RNF17: variants seen among roughly 807,000 people sequenced by gnomAD.
RNF17 encodes the protein ring finger protein 17, also known as spermatogenesis associated 23.
Under a neutral mutation model 200.5 loss-of-function variants are expected in RNF17, and 31 were observed. That is an observed-to-expected ratio of 0.15 (90% confidence interval 0.12 to 0.21). The LOEUF is 0.21. RNF17 is among the 10% of genes least tolerant of loss of function. The pLI is 1.00. For synonymous variants in RNF17, 606 were observed against 637.8 expected (o/e 0.95, Z 0.75); for missense variants, 1,628 against 1,905.1 (o/e 0.85, Z 2.71).
In RNF17 at chr13:24,802,501, C is replaced by T. The variant is rs577177646; in HGVS notation, c.1879C>T (p.Pro627Ser). ...GVLIVDLQKP[P>S]PNKISSDMPV... is the part of the protein sequence containing the mutation. ...GCTTATTGTAGATCTGCAAAAACCA[C>T]CACCGAATAAAATAAGCAGTGATAT... The change falls in exon 14 of 36, where the codon CCA becomes TCA. Residue 627 changes from proline to serine, a missense_variant. By Grantham distance (74) the Pro-to-Ser change is moderately conservative. Coordinates refer to ENST00000255324, the MANE Select transcript of RNF17 (RefSeq NM_031277.3). The T allele has an allele frequency of 3.7e-6, 6 of 1,613,852 alleles. No homozygotes were observed. The highest frequency in any genetic ancestry group is 3.3e-5 in the South Asian group (3 of 91,034).
At chr13:24,877,843 A>G (rs1395220966) in intron 34 of RNF17, among the ~76,000 whole-genome samples, 1 of 152,232 alleles carries the variant, frequency 6.6e-6, no homozygotes, top group African/African-American at 2.4e-5. Context: ...CATTTAATGT[A>G]AATGTTTTCT....
intron 9 of RNF17, among the ~76,000 whole-genome samples, chr13:24,790,771 G>C (rs1222572994): frequency 6.6e-6 from 1 of 152,142 alleles, no homozygotes; most frequent in African/African-American, 2.4e-5. Context: ...ATGGCAGAAA[G>C]CATGGAAGAG....
Position 24,804,306 on chromosome 13 carries a change from A to G in RNF17, c.1968A>G (p.Leu656=). 6.2e-7 allele frequency: 1 copy of G among 1,613,130 alleles called. No homozygotes were observed. Among genetic ancestry groups the G allele is most frequent in the Non-Finnish European group, 8.5e-7 (1 of 1,179,354 alleles). ...MELAKFKSQS[L]RSHFEKNTTL... ...TAATTAGGTTTAAGTCACAATCACTAAGAAGTCACTTTGAAAAAAATACTA... is the reference window on the plus strand; with the variant it reads ...TAATTAGGTTTAAGTCACAATCACTGAGAAGTCACTTTGAAAAAAATACTA... The change falls in exon 15 of 36, where the codon CTA becomes CTG. Residue 656 remains leucine (L), a synonymous_variant. Transcript: ENST00000255324.
intron 1 of RNF17, among the ~76,000 whole-genome samples, chr13:24,764,891 GTGTGTGTGTGTGTGTGTGTGT>G (rs1879402308): frequency 1.7e-4 from 11 of 64,744 alleles, no homozygotes; most frequent in Non-Finnish European, 3.6e-4. Context: ...CTTGTGGGGT[GTGTGTGTGTGTGTGTGTGTGT>G]GTGTGTGTGT....
Position 24,800,448 on chromosome 13 carries a change from T to C in RNF17, c.1672T>C (p.Ser558Pro). ...LNDLCLVLRK[S>P]EPYTEGLLKD... ...TGATTTATGTCTGGTTCTAAGGAAA[T>C]CTGAACCATATACTGAAGGGCTGCT... is the stretch of plus-strand genomic sequence containing the variant. The change falls in exon 13 of 36, where the codon TCT becomes CCT. Residue 558 changes from serine (S) to proline (P), a missense_variant. Physicochemically the swap from Ser to Pro is moderately conservative, Grantham distance 74. This residue lies in a region of RNF17 where 289 missense variants were observed against 384.9 expected (regional missense o/e 0.75). Coordinates refer to ENST00000255324, the MANE Select transcript of RNF17 (RefSeq NM_031277.3). 6.2e-7 allele frequency: 1 copy of C among 1,613,506 alleles called. No homozygotes were observed. The highest frequency in any genetic ancestry group is 8.5e-7 in the Non-Finnish European group (1 of 1,179,650).
the RNF17 span, among the ~76,000 whole-genome samples, chr13:24,758,062 T>C: frequency 6.6e-6 from 1 of 152,216 alleles, no homozygotes; most frequent in Non-Finnish European, 1.5e-5. Context: ...CCACCATGAT[T>C]GTAAGTTGCC....
At chr13:24,786,754 T>G (rs1331285298) in intron 6 of RNF17, among the ~76,000 whole-genome samples, 1 of 152,188 alleles carries the variant, frequency 6.6e-6, no homozygotes, top group African/African-American at 2.4e-5. Flanking sequence ...TTATTGAGGA[T>G]CCCTTGTACT....
chr13:24,861,304 C>G lies in RNF17; in HGVS notation c.3811C>G (p.Pro1271Ala). ...AGATCATGGATTCACTGAAAAGATTCCGCAGTGCCATCTTTACCCTATTTT... is the reference window on the plus strand; with the variant it reads ...AGATCATGGATTCACTGAAAAGATTGCGCAGTGCCATCTTTACCCTATTTT... ...YLDHGFTEKI[P>A]QCHLYPILLY... is the part of the protein sequence containing the mutation. The change falls in exon 27 of 36, where the codon CCG (proline) becomes GCG (alanine). Residue 1271 changes from proline (P) to alanine (A), a missense_variant. By Grantham distance (27) the Pro-to-Ala change is conservative (BLOSUM62 -1). Coordinates refer to ENST00000255324, the MANE Select transcript of RNF17 (RefSeq NM_031277.3). 6.3e-7 allele frequency: 1 copy of G among 1,593,880 alleles called. No individual in the cohort carries two copies. Among genetic ancestry groups the G allele is most frequent in the Non-Finnish European group, 8.6e-7 (1 of 1,168,430 alleles).
chr13:24,842,299 C>A, intron 19 of RNF17, 138 bp downstream of exon 19: 1 of 635,092 alleles, frequency 1.6e-6, no homozygotes, highest in Non-Finnish European at 2.4e-6. Flanking sequence ...TGTCCTGGAC[C>A]AGAAAAAATA....
At chr13:24,752,497 G>A in the RNF17 span, among the ~76,000 whole-genome samples, 21 of 152,376 alleles carry the variant, frequency 1.4e-4, no homozygotes, top group South Asian at 2.1e-3. Context: ...CCCACACTGC[G>A]TGACCTCAGG....
the RNF17 span, among the ~76,000 whole-genome samples, chr13:24,752,354 A>T: frequency 6.6e-6 from 1 of 152,240 alleles, no homozygotes; most frequent in East Asian, 1.9e-4. Context: ...AGCTGAAGGG[A>T]TAGAGAAACT....
intron 18 of RNF17, among the ~76,000 whole-genome samples, chr13:24,835,819 A>T (rs1323615232): frequency 6.6e-6 from 1 of 152,236 alleles, no homozygotes; most frequent in Non-Finnish European, 1.5e-5. Context: ...CAAACCAAGA[A>T]GTAGTCCTGG....
At chr13:24,854,420 A>G (rs548061691) in intron 25 of RNF17, among the ~76,000 whole-genome samples, 16 of 152,266 alleles carry the variant, frequency 1.1e-4, no homozygotes, top group East Asian at 9.6e-4. Context: ...CATTTCCACT[A>G]CTATGGCAGA....
chr13:24,778,384 T>G lies in RNF17; in HGVS notation c.407T>G (p.Leu136Trp). The G allele has an allele frequency of 6.2e-7, 1 of 1,612,304 alleles. No homozygotes were observed. Among genetic ancestry groups the G allele is most frequent in the Non-Finnish European group, 8.5e-7 (1 of 1,178,320 alleles). The stretch of plus-strand genomic sequence containing the variant: ...TCAGCCTCCACAGACAAGACTCTTT[T>G]GAACTCATCAGCTGTAATGTTGGTA... ...ERSASTDKTL[L>W]NSSAVMLDTN... Residue 136 changes from leucine (L) to tryptophan (W), a missense_variant, in exon 4 of 36, where the codon TTG (leucine) becomes TGG (tryptophan). By Grantham distance (61) the Leu-to-Trp change is moderately conservative. This residue lies in a region of RNF17 where 502 missense variants were observed against 501.7 expected (regional missense o/e 1.00). Coordinates refer to ENST00000255324, the MANE Select transcript of RNF17 (RefSeq NM_031277.3).
intron 1 of RNF17, among the ~76,000 whole-genome samples, chr13:24,765,514 C>T (rs1879543598): frequency 6.6e-6 from 1 of 152,180 alleles, no homozygotes; most frequent in Non-Finnish European, 1.5e-5. Flanking sequence ...TGAGCCTCTG[C>T]AGAAAAAGTT....
At chr13:24,758,276 C>T in the RNF17 span, among the ~76,000 whole-genome samples, 8 of 152,228 alleles carry the variant, frequency 5.3e-5, no homozygotes, top group South Asian at 1.7e-3. Context: ...TTTATTGATT[C>T]CCCTGGTCTC....
chr13:24,787,915 A>G, intron 6 of RNF17, 73 bp from the exon 7 acceptor site: 1 of 1,226,142 alleles, frequency 8.2e-7, no homozygotes, highest in Non-Finnish European at 1.1e-6. Context: ...TTACTCTTCA[A>G]GATACTATAG....
In RNF17 at chr13:24,859,179, C is replaced by G; in HGVS notation, c.3774+15C>G. 6.4e-7 allele frequency: 1 copy of G among 1,552,180 alleles called. No homozygotes were observed. Among genetic ancestry groups the G allele is most frequent in the Non-Finnish European group, 8.7e-7 (1 of 1,144,362 alleles). On this transcript the variant is annotated intron_variant, in intron 26 of 35. Coordinates refer to ENST00000255324, the MANE Select transcript of RNF17 (RefSeq NM_031277.3). ...GCGCTGTCAGAGTGAGTCTGATATT[C>G]TTTTGTGACAATTCTAAAGCTAAAT...
intron 15 of RNF17, among the ~76,000 whole-genome samples, chr13:24,816,068 C>A (rs566610414): frequency 1.1e-3 from 167 of 152,114 alleles, no homozygotes; most frequent in African/African-American, 3.8e-3. Context: ...CTAATTTTTA[C>A]AATTTTTTTA....
Sources: allele counts gnomAD v4.1 joint callset (sites outside exome capture counted in the v4.1 genomes callset), GRCh38; gene constraint gnomAD v4.1.1; regional missense constraint gnomAD v4.1.1; transcripts MANE v1.5; gene names NCBI Gene and HGNC (gene_info 2026-07-23, HGNC 2026-07-21).